Variants in SPRED2 observed in about 807,000 individuals in gnomAD.
The protein encoded by SPRED2 is sprouty related EVH1 domain containing 2.
A neutral mutation model predicts 43.0 loss-of-function variants in SPRED2; 47 were observed. That is an observed-to-expected ratio of 1.09 (90% CI 0.87 to 1.40). SPRED2 has a LOEUF of 1.40. Ranked by LOEUF, SPRED2 falls within the 40% of genes most tolerant of loss-of-function variation. SPRED2 has a pLI of 0.00. For synonymous variants in SPRED2, 225 were observed against 225.7 expected (o/e 1.00, Z 0.03); for missense variants, 561 against 586.4 (o/e 0.96, Z 0.45).
At chr2:65,412,513 T>C (rs1466402351) in intron 1 of SPRED2, among the ~76,000 whole-genome samples, 3 of 152,218 alleles carry the variant, frequency 2.0e-5, no homozygotes, top group Non-Finnish European at 4.4e-5. Context: ...ATATTGACTA[T>C]TTGCAATCCC....
chr2:65,405,920 A>G (rs80345920), intron 1 of SPRED2, among the ~76,000 whole-genome samples: 1 of 151,946 alleles, frequency 6.6e-6, no homozygotes, highest in African/African-American at 2.4e-5. Context: ...CCATAATTCA[A>G]ACCTATTTCT....
At chr2:65,371,329 T>C (rs967054909) in intron 1 of SPRED2, among the ~76,000 whole-genome samples, 2 of 152,288 alleles carry the variant, frequency 1.3e-5, no homozygotes, top group Non-Finnish European at 2.9e-5. Context: ...CTGCCTTCAG[T>C]TATGTTCTCT....
Position 65,311,388 on chromosome 2 carries a change from G to T in SPRED2, c.*2113C>A. On this transcript the variant is annotated 3_prime_UTR_variant, in exon 6 of 6. Coordinates refer to ENST00000356388, the MANE Select transcript of SPRED2 (RefSeq NM_181784.3). ...AAAAGGGTGGAAAAGGACAAGGGGT[G>T]AAAGAAGAGAGAAACAGGTAACAAC... The T allele has an allele frequency of 1.0e-6, 1 of 985,884 alleles. No homozygotes were observed. Among genetic ancestry groups the T allele is most frequent in the Non-Finnish European group, 1.2e-6 (1 of 829,940 alleles). 61.1% of individuals were successfully genotyped at this position (985,884 alleles called of 1,614,324 possible).
chr2:65,312,496 G>A lies in SPRED2; in HGVS notation c.*1005C>T, dbSNP rs189463184. ...TATGGTTTTATTCACCATAACCTTA[G>A]TGTTTCTCAACTGGAACTTGTTCGT... On this transcript the variant is annotated 3_prime_UTR_variant, in exon 6 of 6. Transcript: ENST00000356388. 7.4e-5 allele frequency: 73 copies of A among 985,416 alleles called. No homozygotes were observed. The African/African-American group carries it at 1.2e-3, about 16-fold the overall frequency. The allele number at this position is 985,416 out of a possible 1,614,324, so 61.0% of individuals were successfully genotyped here. A position where few individuals can be genotyped will look rare whatever the true frequency, so the allele number is the denominator to read the frequency against.
At chr2:65,308,396 A>T (rs905066190), downstream of SPRED2, 1 of 985,376 alleles carries the variant, frequency 1.0e-6, no homozygotes, top group Non-Finnish European at 1.2e-6. Context: ...AGCTGTGAAC[A>T]TACCTGGAGG....
chr2:65,376,890 A>G (rs1005755118), intron 1 of SPRED2, among the ~76,000 whole-genome samples: 5 of 151,860 alleles, frequency 3.3e-5, no homozygotes, highest in African/African-American at 9.7e-5. Flanking sequence ...AATTTTTTGT[A>G]TTTTTAGTAG....
intron 1 of SPRED2, among the ~76,000 whole-genome samples, chr2:65,388,151 C>T (rs1675545720): frequency 1.3e-5 from 2 of 152,222 alleles, no homozygotes; most frequent in Admixed American, 1.3e-4. Context: ...AGCTTCAGCA[C>T]ATCACACAGC....
In SPRED2 at chr2:65,311,727, T is replaced by G. The variant is rs1466518663; in HGVS notation, c.*1774A>C. On this transcript the variant is annotated 3_prime_UTR_variant, in exon 6 of 6. Transcript: ENST00000356388. Reference sequence around the variant, plus strand: ...AGCCTAAACCAGTTACTCCAATGAATGAAGACGTCTACTAACTGACTCATA... The same window carrying G: ...AGCCTAAACCAGTTACTCCAATGAAGGAAGACGTCTACTAACTGACTCATA... 5.1e-6 allele frequency: 5 copies of G among 985,340 alleles called. No homozygotes were observed. Among genetic ancestry groups the G allele is most frequent in the Non-Finnish European group, 6.0e-6 (5 of 829,944 alleles). The allele number at this position is 985,340 out of a possible 1,614,324, so 61.0% of individuals were successfully genotyped here.
chr2:65,396,369 C>T (rs376775344), intron 1 of SPRED2, among the ~76,000 whole-genome samples: 5 of 152,198 alleles, frequency 3.3e-5, no homozygotes, highest in Admixed American at 1.3e-4. Context: ...ATACCTACGG[C>T]GCATCATGCT....
intron 1 of SPRED2, among the ~76,000 whole-genome samples, chr2:65,391,212 AC>A (rs1675629378): frequency 6.6e-6 from 1 of 151,756 alleles, no homozygotes; most frequent in East Asian, 1.9e-4. Context: ...ACACACACAC[AC>A]ACACACACAC....
intron 3 of SPRED2, 38 bp from the exon 4 acceptor site, chr2:65,332,089 G>C (rs2104205723): frequency 7.3e-7 from 1 of 1,378,648 alleles, no homozygotes; most frequent in Middle Eastern, 2.0e-4. Flanking sequence ...TGTTTCCCAA[G>C]AGGATACATC....
intron 1 of SPRED2, among the ~76,000 whole-genome samples, chr2:65,398,126 C>T (rs547888775): frequency 6.6e-4 from 100 of 152,250 alleles, no homozygotes; most frequent in South Asian, 1.7e-3. Flanking sequence ...CAAACAAAAA[C>T]TTAAAGCAGA....
chr2:65,332,358 C>T (rs1398892205), intron 3 of SPRED2: 2 of 255,918 alleles, frequency 7.8e-6, no homozygotes, highest in Non-Finnish European at 1.5e-5. Context: ...AGGCTGCCCA[C>T]TCCTCTGAGG....
intron 1 of SPRED2, among the ~76,000 whole-genome samples, chr2:65,356,554 TTTTTG>T (rs1169485158): frequency 2.3e-4 from 32 of 141,628 alleles, no homozygotes; most frequent in East Asian, 1.2e-3. Context: ...TTTTTTTTTT[TTTTTG>T]TGTGTGTGTA....
rs553708277 is a variant in SPRED2 at position 65,389,042 on chromosome 2, A to T, written c.26+42920T>A. Among the ~76,000 whole-genome samples, 30 of 151,786 alleles carry T rather than the reference A, an allele frequency of 2.0e-4. 1 individual carries two copies. Among genetic ancestry groups the T allele is most frequent in the African/African-American group, 6.8e-4 (28 of 41,386 alleles). ...GAGGGGCAGGCATCAGGGCTGCAGG[A>T]CTCCTGCCTGTCCCTATGCTCTGGC... On this transcript the variant is annotated intron_variant, in intron 1 of 5. Coordinates refer to ENST00000356388, the MANE Select transcript of SPRED2 (RefSeq NM_181784.3).
chr2:65,324,147 A>T (rs1429165571), intron 4 of SPRED2, among the ~76,000 whole-genome samples: 2 of 151,770 alleles, frequency 1.3e-5, no homozygotes, highest in Non-Finnish European at 1.5e-5. Flanking sequence ...ATCAGTGAAC[A>T]TCTGATCAAC....
chr2:65,348,519 C>T lies in SPRED2; in HGVS notation c.27-3623G>A, dbSNP rs1256207040. Among the ~76,000 whole-genome samples, 6 of 152,024 alleles carry T rather than the reference C, an allele frequency of 3.9e-5. No homozygotes were observed. In the East Asian group the frequency reaches 1.2e-3, roughly 29 times the overall value. ...CAGGTTTAAAAAAAATTATCTATAG[C>T]AGGCTGGAAGCGGTGGCTCATGCCT... On this transcript the variant is annotated intron_variant, in intron 1 of 5. Coordinates refer to ENST00000356388, the MANE Select transcript of SPRED2 (RefSeq NM_181784.3).
chr2:65,401,937 G>GCGCGCGCGCACACACA lies in SPRED2; in HGVS notation c.26+30024_26+30025insTGTGTGTGCGCGCGCG, dbSNP rs776512353. Among the ~76,000 whole-genome samples the GCGCGCGCGCACACACA allele has an allele frequency of 1.3e-3, 147 of 114,750 alleles. 2 individuals carry two copies. The highest frequency in any genetic ancestry group is 2.9e-3 in the South Asian group (11 of 3,822). The allele number at this position is 114,750 out of a possible 152,430, so 75.3% of individuals were successfully genotyped here. ...ACGATCAGAATATTAGCGCGCGCGC[G>GCGCGCGCGCACACACA]CACACACACACACACACACACACAC... On this transcript the variant is annotated intron_variant, in intron 1 of 5. Transcript: ENST00000356388.
At chr2:65,357,802 G>A (rs575752384) in intron 1 of SPRED2, among the ~76,000 whole-genome samples, 11 of 152,280 alleles carry the variant, frequency 7.2e-5, no homozygotes, top group East Asian at 1.9e-4. Flanking sequence ...AATGAGTGCC[G>A]TAAGTCAGGA....
Sources: allele counts gnomAD v4.1 joint callset (sites outside exome capture counted in the v4.1 genomes callset), GRCh38; gene constraint gnomAD v4.1.1; transcripts MANE v1.5; gene names NCBI Gene and HGNC (gene_info 2026-07-23, HGNC 2026-07-21).